The following JAK1 variants were observed in gnomAD, a reference collection of about 807,000 sequenced individuals.
JAK1 encodes the protein Janus kinase 1, also known as tyrosine-protein kinase JAK1.
In JAK1, 16 loss-of-function variants were observed where a neutral mutation model predicts 136.6. The ratio of observed to expected loss-of-function variants is 0.12; its 90% CI spans 0.08 to 0.18. JAK1 has a LOEUF of 0.18. JAK1 is among the 10% of genes least tolerant of loss of function. The probability of loss-of-function intolerance (pLI) is 1.00; values close to 1 mark genes in which losing one functional copy is unlikely to be tolerated. For synonymous variants in JAK1, 492 were observed against 519.5 expected (o/e 0.95, Z 0.72); for missense variants, 859 against 1,450.1 (o/e 0.59, Z 6.62).
intron 1 of JAK1, among the ~76,000 whole-genome samples, chr1:64,900,683 G>A (rs542381517): frequency 4.9e-4 from 75 of 152,206 alleles, no homozygotes; most frequent in Middle Eastern, 6.8e-3. Flanking sequence ...ATTCTCGTCC[G>A]CTTCTATTCC....
chr1:64,933,725 T>C (rs941072629), intron 1 of JAK1, among the ~76,000 whole-genome samples: 2 of 152,182 alleles, frequency 1.3e-5, no homozygotes, highest in Admixed American at 6.5e-5. Flanking sequence ...ATGACAAAGA[T>C]GTAGCGTATA....
intron 1 of JAK1, among the ~76,000 whole-genome samples, chr1:64,963,072 G>T (rs1231976730): frequency 5.9e-5 from 9 of 152,016 alleles, no homozygotes; most frequent in Admixed American, 5.2e-4. Context: ...ACACCATCTC[G>T]AAAAATAAAA....
chr1:64,861,348 A>G (rs1422547768), intron 8 of JAK1, among the ~76,000 whole-genome samples: 1 of 152,168 alleles, frequency 6.6e-6, no homozygotes, highest in Non-Finnish European at 1.5e-5. Flanking sequence ...CAGAGTGGGA[A>G]GAGGCAAAGG....
intron 2 of JAK1, among the ~76,000 whole-genome samples, chr1:65,032,521 AC>A (rs199984381): frequency 2.6e-5 from 4 of 152,124 alleles, no homozygotes; most frequent in African/African-American, 7.2e-5. Flanking sequence ...AACAACAACA[AC>A]AAAAAAAACA....
intron 2 of JAK1, among the ~76,000 whole-genome samples, chr1:65,010,673 A>G (rs1362098350): frequency 1.3e-5 from 2 of 152,224 alleles, no homozygotes; most frequent in African/African-American, 2.4e-5. Flanking sequence ...AACTAATACA[A>G]ATATTCTTTA....
At chr1:65,047,509 G>T (rs915914562) in intron 1 of JAK1, among the ~76,000 whole-genome samples, 7 of 152,202 alleles carry the variant, frequency 4.6e-5, no homozygotes, top group Non-Finnish European at 1.0e-4. Context: ...ACAAGGTCAG[G>T]AGATCGAGAC....
intron 1 of JAK1, among the ~76,000 whole-genome samples, chr1:65,047,932 G>C (rs990375151): frequency 1.3e-4 from 20 of 152,066 alleles, no homozygotes; most frequent in African/African-American, 4.3e-4. Context: ...AAAATCAGTT[G>C]TGGACAGTTC....
At chr1:64,939,190 G>A (rs1486574590) in intron 1 of JAK1, among the ~76,000 whole-genome samples, 1 of 152,194 alleles carries the variant, frequency 6.6e-6, no homozygotes, top group Non-Finnish European at 1.5e-5. Context: ...TTTTCTGGCT[G>A]CCATCAACCC....
intron 1 of JAK1, chr1:64,918,697 C>A: frequency 5.6e-6 from 1 of 178,522 alleles, no homozygotes; most frequent in South Asian, 1.2e-4. Flanking sequence ...TGAAATGTTT[C>A]ACTATAAAGC....
Position 64,844,912 on chromosome 1 carries a change from T to C in JAK1, c.2116-23A>G. On this transcript the variant is annotated intron_variant, in intron 15 of 24. Coordinates refer to ENST00000342505, the MANE Select transcript of JAK1 (RefSeq NM_002227.4). This position sits in a 1 kb window ranked among gnomAD's most constrained non-coding sequence, Gnocchi z 5.7. ...CTCCTGCAGAGTAAAAAGGTCAAGT[T>C]TAGCCAAGCTGCTCCTTCCCGCATT... The C allele has an allele frequency of 6.2e-7, 1 of 1,614,064 alleles. No homozygotes were observed. Among genetic ancestry groups the C allele is most frequent in the South Asian group, 1.1e-5 (1 of 91,080 alleles).
At chr1:64,964,165 T>C (rs1217436715) in intron 1 of JAK1, among the ~76,000 whole-genome samples, 1 of 152,198 alleles carries the variant, frequency 6.6e-6, no homozygotes, top group Non-Finnish European at 1.5e-5. Context: ...CTTAAAATAA[T>C]GGTTTTAAAT....
intron 2 of JAK1, among the ~76,000 whole-genome samples, chr1:65,036,511 G>C (rs1171775577): frequency 6.6e-5 from 10 of 152,158 alleles, no homozygotes; most frequent in Admixed American, 3.9e-4. Flanking sequence ...CCAGAGAAGG[G>C]TGAGGGGGAT....
chr1:64,998,538 A>G (rs953329820), intron 2 of JAK1, among the ~76,000 whole-genome samples: 10 of 152,222 alleles, frequency 6.6e-5, no homozygotes, highest in African/African-American at 2.2e-4. Context: ...TAAGATTAGT[A>G]TTAAAGCCAT....
intron 2 of JAK1, chr1:64,987,304 A>G (rs1488930796): frequency 1.3e-5 from 2 of 152,348 alleles, no homozygotes; most frequent in South Asian, 4.1e-4. Context: ...GGAACCAAGC[A>G]GTCATCCTTG....
chr1:64,934,856 T>G (rs1439697996), intron 1 of JAK1, among the ~76,000 whole-genome samples: 1 of 152,232 alleles, frequency 6.6e-6, no homozygotes, highest in Non-Finnish European at 1.5e-5. Flanking sequence ...TCATTTGTAT[T>G]TCTCACAGTC....
At chr1:65,056,046 A>C (rs1647520518) in intron 1 of JAK1, among the ~76,000 whole-genome samples, 1 of 152,200 alleles carries the variant, frequency 6.6e-6, no homozygotes, top group Admixed American at 6.5e-5. Context: ...ACTTTTTTCC[A>C]CCTGCTCAAA....
intron 5 of JAK1, among the ~76,000 whole-genome samples, chr1:64,870,790 A>T (rs1472934117): frequency 6.6e-6 from 1 of 152,112 alleles, no homozygotes; most frequent in Non-Finnish European, 1.5e-5. Context: ...TCTTTTCACC[A>T]TGGGATATCT....
chr1:64,845,441 C>G, intron 15 of JAK1, 72 bp downstream of exon 15: 1 of 1,578,866 alleles, frequency 6.3e-7, no homozygotes, highest in Non-Finnish European at 8.7e-7. Context: ...TGGCTAGCAC[C>G]TCCTTCCTGC....
intron 1 of JAK1, among the ~76,000 whole-genome samples, chr1:64,963,278 T>C (rs1407983761): frequency 1.3e-5 from 2 of 152,116 alleles, no homozygotes; most frequent in Non-Finnish European, 2.9e-5. Context: ...AGGATGTGAG[T>C]GTGCTTAAAT....
Sources: gnomAD v4.1 joint callset for allele counts (sites outside exome capture counted in the v4.1 genomes callset) on GRCh38, gnomAD v4.1.1 for gene constraint, Gnocchi (gnomAD v3.1) non-coding constraint, MANE v1.5 for transcripts, NCBI Gene and HGNC (gene_info 2026-07-23, HGNC 2026-07-21) for gene names.